ITGA8: variants seen among roughly 807,000 people sequenced by gnomAD.
The protein encoded by ITGA8 is integrin alpha-8.
A neutral mutation model predicts 142.3 loss-of-function variants in ITGA8; 91 were observed. The ratio of observed to expected loss-of-function variants is 0.64; its 90% CI spans 0.54 to 0.76. ITGA8 has a LOEUF of 0.76. Ranked by LOEUF, ITGA8 falls within the 30% of genes least tolerant of loss-of-function variation. The pLI, the probability that ITGA8 is intolerant of heterozygous loss-of-function variation, is 0.00. For missense variants in ITGA8, 1,406 were observed against 1,327.7 expected, an observed-to-expected ratio of 1.06 and a Z score of -0.92; for synonymous variants, 505 against 485.2, an observed-to-expected ratio of 1.04 and a Z score of -0.54.
chr10:15,556,629 G>C (rs1461245266), intron 26 of ITGA8, among the ~76,000 whole-genome samples: 1 of 152,002 alleles, frequency 6.6e-6, no homozygotes. Context: ...ATTTTGATAT[G>C]GGCATACAAT....
At chr10:15,525,719 C>A (rs1588624292) in intron 28 of ITGA8, among the ~76,000 whole-genome samples, 1 of 147,014 alleles carries the variant, frequency 6.8e-6, no homozygotes, top group African/African-American at 2.5e-5. Context: ...GTTTATCTAA[C>A]CCTAAATATC....
rs7900294 is a variant in ITGA8 at position 15,516,937 on chromosome 10, G to A, written c.*221C>T. On this transcript the variant is annotated 3_prime_UTR_variant, in exon 30 of 30. Coordinates refer to ENST00000378076, the MANE Select transcript of ITGA8 (RefSeq NM_003638.3). ...AAGAAAATCTTCCACAATTGCTGAT[G>A]GCTTCTCCAGCTTTGGTGTTTCCTT... is the stretch of plus-strand genomic sequence containing the variant. 48 of 428,216 alleles carry A rather than the reference G, an allele frequency of 1.1e-4. 1 individual carries two copies. Among genetic ancestry groups the A allele is most frequent in the African/African-American group, 7.0e-4 (34 of 48,332 alleles). 26.5% of individuals were successfully genotyped at this position (428,216 alleles called of 1,614,324 possible). A position where few individuals can be genotyped will look rare whatever the true frequency, so the allele number is the denominator to read the frequency against.
intron 8 of ITGA8, among the ~76,000 whole-genome samples, chr10:15,667,322 T>G (rs574310243): frequency 8.5e-5 from 13 of 152,334 alleles, no homozygotes; most frequent in Non-Finnish European, 1.2e-4. Flanking sequence ...GTTTATAGTA[T>G]TCTCTGATGG....
intron 2 of ITGA8, among the ~76,000 whole-genome samples, chr10:15,701,992 C>T (rs1835172955): frequency 6.6e-6 from 1 of 152,156 alleles, no homozygotes; most frequent in African/African-American, 2.4e-5. Context: ...CAGAGAACTC[C>T]TTGTCTACAA....
At chr10:15,659,811 A>G (rs1321835474) in intron 9 of ITGA8, among the ~76,000 whole-genome samples, 2 of 152,214 alleles carry the variant, frequency 1.3e-5, no homozygotes, top group East Asian at 3.9e-4. Context: ...GGAGGCAGAG[A>G]CTGGTGGGAT....
At chr10:15,612,255 C>A (rs1030795309) in intron 15 of ITGA8, among the ~76,000 whole-genome samples, 2 of 152,164 alleles carry the variant, frequency 1.3e-5, no homozygotes, top group African/African-American at 4.8e-5. Context: ...TCAGGGTCCT[C>A]TAAGTCCCCA....
At chr10:15,696,655 T>G (rs1417664) in intron 2 of ITGA8, among the ~76,000 whole-genome samples, 98,965 of 151,850 alleles carry the variant, frequency 0.65, 33,182 homozygotes, top group East Asian at 0.82. Context: ...TATCCTAATT[T>G]TATATGTATA....
At chr10:15,680,386 C>T (rs1834715669) in intron 4 of ITGA8, among the ~76,000 whole-genome samples, 1 of 151,918 alleles carries the variant, frequency 6.6e-6, no homozygotes, top group African/African-American at 2.4e-5. Flanking sequence ...TTTTTAACCT[C>T]ATGCACTGTA....
At chr10:15,604,175 A>T (rs773373150) in intron 20 of ITGA8, 33 bp downstream of exon 20, 1 of 1,588,824 alleles carries the variant, frequency 6.3e-7, no homozygotes, top group Non-Finnish European at 8.6e-7. Flanking sequence ...AAATATACCT[A>T]GCTCTTGACT....
chr10:15,630,769 T>G (rs555029615), intron 13 of ITGA8, among the ~76,000 whole-genome samples: 22 of 152,006 alleles, frequency 1.4e-4, no homozygotes, highest in African/African-American at 4.8e-4. Context: ...AATATGAGGT[T>G]CTAAACACAG....
In ITGA8 at chr10:15,708,357, C is replaced by A. The variant is rs114410864; in HGVS notation, c.343+10409G>T. On this transcript the variant is annotated intron_variant, in intron 2 of 29. Transcript: ENST00000378076. ...GTGGTAAAGAATGGATAATCTATCA[C>A]AGGAATAGAGAAATGAAAAGAAAAG... 7.0e-3 allele frequency among the ~76,000 whole-genome samples: 1,062 copies of A among 152,082 alleles called. 11 individuals are homozygous for A. The highest frequency in any genetic ancestry group is 0.024 in the African/African-American group (996 of 41,464).
At chr10:15,652,625 T>C (rs563950164) in intron 11 of ITGA8, among the ~76,000 whole-genome samples, 1 of 152,358 alleles carries the variant, frequency 6.6e-6, no homozygotes, top group South Asian at 2.1e-4. Context: ...GTTGGAAATC[T>C]TGAATGACCG....
chr10:15,550,659 T>C (rs73600706), intron 26 of ITGA8, among the ~76,000 whole-genome samples: 8,417 of 152,134 alleles, frequency 0.055, 758 homozygotes, highest in African/African-American at 0.19. Context: ...GCAGGGTATA[T>C]GAGGGTGAAA....
rs34822569 is a variant in ITGA8, at chr10:15,531,784, GAA to G, written c.2881-635_2881-634del. ...GAAACCCTGTCTCTACTAAAAACCA[GAA>G]AAAAAAAAAATAGCTTGGCATAGTG... On this transcript the variant is annotated intron_variant, in intron 27 of 29. Transcript: ENST00000378076. Among the ~76,000 whole-genome samples the G allele has an allele frequency of 9.0e-3, 1,330 of 147,228 alleles. 17 individuals are homozygous for G. Among genetic ancestry groups the G allele is most frequent in the African/African-American group, 0.032 (1,252 of 39,546 alleles).
At chr10:15,643,687 G>T (rs1039326185) in intron 13 of ITGA8, among the ~76,000 whole-genome samples, 1 of 152,166 alleles carries the variant, frequency 6.6e-6, no homozygotes, top group Non-Finnish European at 1.5e-5. Context: ...AATAATTTGC[G>T]CCAGAAAGGA....
chr10:15,687,588 G>A (rs1359709430), intron 3 of ITGA8, among the ~76,000 whole-genome samples: 1 of 152,072 alleles, frequency 6.6e-6, no homozygotes, highest in Non-Finnish European at 1.5e-5. Context: ...GCATCCTTAT[G>A]GGAATAGTCC....
chr10:15,575,863 A>G (rs1048293598), intron 23 of ITGA8, among the ~76,000 whole-genome samples: 5 of 152,098 alleles, frequency 3.3e-5, no homozygotes, highest in Non-Finnish European at 5.9e-5. Context: ...GAGAGTGGAG[A>G]GTGTTCCTGA....
At chr10:15,618,609 C>G (rs1833436505) in intron 13 of ITGA8, among the ~76,000 whole-genome samples, 1 of 152,146 alleles carries the variant, frequency 6.6e-6, no homozygotes, top group Non-Finnish European at 1.5e-5. Flanking sequence ...CCGACCCACC[C>G]TGAATCTGGT....
chr10:15,566,096 G>C (rs1834074292), intron 25 of ITGA8, among the ~76,000 whole-genome samples: 1 of 152,206 alleles, frequency 6.6e-6, no homozygotes. Context: ...CACTGTCTGC[G>C]GGCCCACTCA....
Sources: gnomAD v4.1 joint callset for allele counts (sites outside exome capture counted in the v4.1 genomes callset) on GRCh38, gnomAD v4.1.1 for gene constraint, MANE v1.5 for transcripts, NCBI Gene and HGNC (gene_info 2026-07-23, HGNC 2026-07-21) for gene names.